IRF2: variants seen among roughly 807,000 people sequenced by gnomAD.
IRF2 encodes interferon regulatory factor 2.
Under a neutral mutation model 40.6 loss-of-function variants are expected in IRF2, and 15 were observed. The ratio of observed to expected loss-of-function variants is 0.37; its 90% CI spans 0.25 to 0.57. The LOEUF (loss-of-function observed/expected upper bound fraction) is 0.57. IRF2 is among the 20% of genes least tolerant of loss of function. IRF2 has a pLI of 0.77. For missense variants in IRF2, 317 were observed against 455.7 expected (o/e 0.70, Z 2.77); for synonymous variants, 151 against 165.5 (o/e 0.91, Z 0.67).
chr4:184,431,588 T>C (rs1333986851), intron 1 of IRF2, among the ~76,000 whole-genome samples: 2 of 128,364 alleles, frequency 1.6e-5, no homozygotes, highest in East Asian at 2.6e-4. Flanking sequence ...TGGAGACCAC[T>C]AAATCCAGAG....
intron 1 of IRF2, among the ~76,000 whole-genome samples, chr4:184,473,073 C>A (rs925310597): frequency 2.0e-5 from 3 of 152,030 alleles, no homozygotes; most frequent in Middle Eastern, 3.4e-3. Flanking sequence ...TGGGAGCAGG[C>A]GGGCGCCGCG....
In IRF2 at chr4:184,466,317, C is replaced by T. The variant is rs932407268; in HGVS notation, c.-7+8062G>A. ...CCGCCCGCCTCGGCCTCCCAAAGTG[C>T]TGGGATTACAGGCGTGAGCCACCGC... is the stretch of plus-strand genomic sequence containing the variant. On this transcript the variant is annotated intron_variant, in intron 1 of 8. Transcript: ENST00000393593. Among the ~76,000 whole-genome samples, 63 of 152,260 alleles carry T rather than the reference C, an allele frequency of 4.1e-4. 1 individual carries two copies. Among genetic ancestry groups the T allele is most frequent in the African/African-American group, 1.5e-3 (63 of 41,548 alleles).
intron 1 of IRF2, among the ~76,000 whole-genome samples, chr4:184,439,633 C>G (rs2149908524): frequency 6.6e-6 from 1 of 152,142 alleles, no homozygotes; most frequent in Non-Finnish European, 1.5e-5. Context: ...ACTAGTTTTC[C>G]AGGCTGAAAA....
chr4:184,427,760 A>C (rs577514134), intron 2 of IRF2, among the ~76,000 whole-genome samples: 1 of 152,366 alleles, frequency 6.6e-6, no homozygotes, highest in South Asian at 2.1e-4. Context: ...TAGTTAAAAA[A>C]AATTATACTG....
chr4:184,445,846 C>T (rs1738488249), intron 1 of IRF2, among the ~76,000 whole-genome samples: 1 of 152,056 alleles, frequency 6.6e-6, no homozygotes, highest in African/African-American at 2.4e-5. Context: ...CATTCGTGTC[C>T]ACCTGGAGCC....
At chr4:184,409,746 TAGCCGG>T (rs1485159990) in intron 5 of IRF2, among the ~76,000 whole-genome samples, 1 of 151,934 alleles carries the variant, frequency 6.6e-6, no homozygotes. Context: ...ATGAAAGCAT[TAGCCGG>T]GTGTGGTGGT....
chr4:184,418,978 G>T (rs1389576162), intron 3 of IRF2, among the ~76,000 whole-genome samples: 1 of 152,170 alleles, frequency 6.6e-6, no homozygotes, highest in Non-Finnish European at 1.5e-5. Flanking sequence ...AACTATAAAT[G>T]CTGGAAGAAT....
chr4:184,441,246 A>G (rs778731565), intron 1 of IRF2, among the ~76,000 whole-genome samples: 1 of 152,230 alleles, frequency 6.6e-6, no homozygotes. Flanking sequence ...GTAGACCAGC[A>G]CTATCCAGTA....
At chr4:184,470,694 AAAAAAAAAAAG>A (rs1332455261) in intron 1 of IRF2, among the ~76,000 whole-genome samples, 2 of 121,268 alleles carry the variant, frequency 1.6e-5, no homozygotes, top group South Asian at 6.3e-4. Context: ...TGCCTCAAAA[AAAAAAAAAAAG>A]AAAAGAAAAA....
At chr4:184,447,026 C>T (rs763673515) in intron 1 of IRF2, among the ~76,000 whole-genome samples, 1 of 152,122 alleles carries the variant, frequency 6.6e-6, no homozygotes, top group Non-Finnish European at 1.5e-5. Flanking sequence ...CTAACCTTGA[C>T]ACTAAAAGGG....
At chr4:184,432,369 G>A (rs960350103) in intron 1 of IRF2, among the ~76,000 whole-genome samples, 1 of 152,262 alleles carries the variant, frequency 6.6e-6, no homozygotes, top group Admixed American at 6.5e-5. Context: ...ACAGGCTACA[G>A]AGTGCGACAT....
chr4:184,426,298 GAGCCACTGCGCCC>G (rs964318509), intron 2 of IRF2, among the ~76,000 whole-genome samples: 1 of 152,102 alleles, frequency 6.6e-6, no homozygotes, highest in African/African-American at 2.4e-5. Context: ...TTACAGGCGT[GAGCCACTGCGCCC>G]AGCCAGGGCT....
chr4:184,424,000 T>TG (rs1396090277), intron 2 of IRF2, among the ~76,000 whole-genome samples: 3 of 152,150 alleles, frequency 2.0e-5, no homozygotes, highest in Non-Finnish European at 2.9e-5. Flanking sequence ...TATAAGAAAA[T>TG]GCCCTTATGT....
chr4:184,396,873 C>T (rs899886937), intron 7 of IRF2, among the ~76,000 whole-genome samples: 2 of 152,104 alleles, frequency 1.3e-5, no homozygotes, highest in Non-Finnish European at 2.9e-5. Context: ...GAGGCTGAGG[C>T]GAGCAGATCA....
intron 1 of IRF2, among the ~76,000 whole-genome samples, chr4:184,455,886 G>A (rs534743373): frequency 3.9e-5 from 6 of 152,128 alleles, no homozygotes; most frequent in African/African-American, 1.4e-4. Context: ...CATGAAAATC[G>A]CTGTGTGCCA....
intron 1 of IRF2, among the ~76,000 whole-genome samples, chr4:184,453,878 AG>A (rs1273499074): frequency 1.3e-5 from 2 of 152,222 alleles, no homozygotes. Flanking sequence ...AGAAAAGACA[AG>A]GGGACAAGAG....
chr4:184,446,209 T>C (rs1561119052), intron 1 of IRF2, among the ~76,000 whole-genome samples: 1 of 152,246 alleles, frequency 6.6e-6, no homozygotes, highest in Non-Finnish European at 1.5e-5. Context: ...TAAATTTCTG[T>C]TGTTTCATGC....
intron 1 of IRF2, among the ~76,000 whole-genome samples, chr4:184,470,965 C>T (rs1252899699): frequency 1.3e-5 from 2 of 150,688 alleles, no homozygotes; most frequent in African/African-American, 4.9e-5. Context: ...TATCGGATTC[C>T]ACTGTGAAAT....
chr4:184,403,135 C>G (rs948359882), intron 6 of IRF2, among the ~76,000 whole-genome samples: 5 of 152,290 alleles, frequency 3.3e-5, no homozygotes, highest in Admixed American at 6.5e-5. Flanking sequence ...AATGGCTTCT[C>G]TCCATCCAGA....
Sources: gnomAD v4.1 joint callset for allele counts (sites outside exome capture counted in the v4.1 genomes callset) on GRCh38, gnomAD v4.1.1 for gene constraint, MANE v1.5 for transcripts, NCBI Gene and HGNC (gene_info 2026-07-23, HGNC 2026-07-21) for gene names.